The following IL27 variants were observed in gnomAD, a reference collection of about 807,000 sequenced individuals.
IL27 encodes interleukin-27 subunit alpha.
IL27 carries 11 observed loss-of-function variants against 27.0 expected under a neutral mutation model. The observed-to-expected ratio is 0.41, with a 90% CI of 0.26 to 0.67. The LOEUF (loss-of-function observed/expected upper bound fraction) is 0.67, where lower values mean the gene tolerates loss of function less well. Among genes scored for constraint, IL27 ranks in the 30% least tolerant of loss-of-function variants. The pLI is 0.34. For missense variants in IL27, 299 were observed against 310.4 expected (o/e 0.96, Z 0.28); for synonymous variants, 134 against 140.6 (o/e 0.95, Z 0.33).
At chr16:28,500,107 G>A (rs891987278) in intron 4 of IL27, among the ~76,000 whole-genome samples, 187 bp from the exon 5 acceptor site, 1 of 152,184 alleles carries the variant, frequency 6.6e-6, no homozygotes, top group Non-Finnish European at 1.5e-5. Context: ...CTTTCAGTTC[G>A]AGAAAATGGA....
chr16:28,499,613 T>G lies in IL27; in HGVS notation c.*38A>C. Reference sequence around the variant, plus strand: ...GATGCCAAGACTCCAGTCCTAAAGTTCTAAAGGGTGGGGGGCAGGGGGCTA... The same window carrying G: ...GATGCCAAGACTCCAGTCCTAAAGTGCTAAAGGGTGGGGGGCAGGGGGCTA... On this transcript the variant is annotated 3_prime_UTR_variant, in exon 5 of 5. Transcript: ENST00000356897. 2 of 1,542,020 alleles carry G rather than the reference T, an allele frequency of 1.3e-6. No homozygotes were observed. The highest frequency in any genetic ancestry group is 8.8e-7 in the Non-Finnish European group (1 of 1,132,948).
At chr16:28,501,398 A>AC (rs1466624240) in intron 4 of IL27, among the ~76,000 whole-genome samples, 5 of 151,240 alleles carry the variant, frequency 3.3e-5, no homozygotes, top group African/African-American at 1.2e-4. Flanking sequence ...CTACACACAC[A>AC]CGGTCACGCT....
intron 4 of IL27, among the ~76,000 whole-genome samples, chr16:28,501,395 C>A (rs1172451776): frequency 6.6e-6 from 1 of 151,768 alleles, no homozygotes; most frequent in Non-Finnish European, 1.5e-5. Context: ...GACCTACACA[C>A]ACACGGTCAC....
intron 1 of IL27, among the ~76,000 whole-genome samples, chr16:28,505,904 C>T (rs2046458408): frequency 6.6e-6 from 1 of 152,174 alleles, no homozygotes; most frequent in African/African-American, 2.4e-5. Context: ...AGGGGAGCTT[C>T]TAGGGACATC....
chr16:28,503,442 A>G (rs1009718395), intron 3 of IL27, among the ~76,000 whole-genome samples: 3 of 151,984 alleles, frequency 2.0e-5, no homozygotes, highest in East Asian at 1.9e-4. Context: ...TTGTAGAGAC[A>G]AAGTTTCACT....
chr16:28,502,251 C>T, intron 3 of IL27, 117 bp from the exon 4 acceptor site: 1 of 931,104 alleles, frequency 1.1e-6, no homozygotes, highest in East Asian at 2.7e-5. Flanking sequence ...CAGTCCATCC[C>T]TGTAGCTCTT....
At chr16:28,506,140 G>A (rs994556785) in intron 1 of IL27, among the ~76,000 whole-genome samples, 1 of 151,998 alleles carries the variant, frequency 6.6e-6, no homozygotes, top group Non-Finnish European at 1.5e-5. Context: ...CTGACCTCTG[G>A]AGACCCCAGA....
At chr16:28,500,353 C>A (rs1164604923) in intron 4 of IL27, among the ~76,000 whole-genome samples, 2 of 152,052 alleles carry the variant, frequency 1.3e-5, no homozygotes, top group Non-Finnish European at 2.9e-5. Flanking sequence ...CGGCTCACTG[C>A]AACCTCTGTC....
chr16:28,502,110 A>C lies in IL27; in HGVS notation c.328T>G (p.Ser110Ala). The C allele has an allele frequency of 1.2e-6, 2 of 1,611,738 alleles. No homozygotes were observed. The highest frequency in any genetic ancestry group is 2.2e-5 in the South Asian group (2 of 90,914). Reference protein sequence around the residue: ...LSDPERLCFISTTLQPFHALL... With the variant: ...LSDPERLCFIATTLQPFHALL... ...GCATGGAAGGGCTGAAGCGTGGTGG[A>C]GATGAAGCAGAGACGCTCCGGGTCC... is the stretch of plus-strand genomic sequence containing the variant. Residue 110 changes from serine to alanine, a missense_variant, in exon 4 of 5, where the codon TCC (serine) becomes GCC (alanine). Ser to Ala is a moderately conservative substitution (Grantham distance 99). Transcript: ENST00000356897.
At chr16:28,499,955 G>C in intron 4 of IL27, 35 bp from the exon 5 acceptor site, 2 of 1,510,978 alleles carry the variant, frequency 1.3e-6, no homozygotes, top group Middle Eastern at 3.4e-4. Context: ...GGAGGGGCCA[G>C]GCCGAGAACC....
At chr16:28,501,266 C>G (rs1049482108) in intron 4 of IL27, among the ~76,000 whole-genome samples, 3 of 151,466 alleles carry the variant, frequency 2.0e-5, no homozygotes, top group African/African-American at 7.3e-5. Flanking sequence ...ATACCTATAC[C>G]CAAACTCTCA....
At chr16:28,501,924 C>G in intron 4 of IL27, 52 bp downstream of exon 4, 2 of 1,567,262 alleles carry the variant, frequency 1.3e-6, no homozygotes, top group Non-Finnish European at 1.7e-6. Flanking sequence ...AATGAGCCAG[C>G]GAGTCTTCTT....
intron 4 of IL27, among the ~76,000 whole-genome samples, chr16:28,501,536 T>C (rs2046429552): frequency 8.6e-6 from 1 of 116,590 alleles, no homozygotes; most frequent in Non-Finnish European, 1.8e-5. Context: ...ATACACACAG[T>C]CATGCTCACA....
chr16:28,501,467 GCC>G (rs1403801559), intron 4 of IL27, among the ~76,000 whole-genome samples: 1 of 135,202 alleles, frequency 7.4e-6, no homozygotes, highest in Non-Finnish European at 1.6e-5. Context: ...CACACTCACA[GCC>G]ACACACTTTC....
intron 4 of IL27, 132 bp downstream of exon 4, chr16:28,501,844 C>T (rs1339256312): frequency 9.0e-7 from 1 of 1,106,366 alleles, no homozygotes; most frequent in African/African-American, 1.5e-5. Flanking sequence ...CTCATGAACC[C>T]ACACACTCAT....
rs1239967541 is a variant in IL27 at position 28,499,585 on chromosome 16, C to T, written c.*66G>A. 3 of 1,355,326 alleles carry T rather than the reference C, an allele frequency of 2.2e-6. No individual in the cohort carries two copies. Among genetic ancestry groups the T allele is most frequent in the East Asian group, 5.0e-5 (2 of 39,930 alleles). 84.0% of individuals were successfully genotyped at this position (1,355,326 alleles called of 1,614,324 possible). A position where few individuals can be genotyped will look rare whatever the true frequency, so the allele number is the denominator to read the frequency against. On this transcript the variant is annotated 3_prime_UTR_variant, in exon 5 of 5. Transcript: ENST00000356897. ...CCAAGGCTGATGATGCGAAGGCTGC[C>T]CTGATGCCAAGACTCCAGTCCTAAA...
intron 4 of IL27, among the ~76,000 whole-genome samples, chr16:28,501,359 C>T (rs994144181): frequency 6.6e-6 from 1 of 151,632 alleles, no homozygotes; most frequent in African/African-American, 2.4e-5. Context: ...CTCACAGTCC[C>T]ATACACTCAC....
chr16:28,504,707 C>T (rs954560974), intron 1 of IL27, among the ~76,000 whole-genome samples: 20 of 152,054 alleles, frequency 1.3e-4, no homozygotes, highest in Non-Finnish European at 7.4e-5. Context: ...GCCTCAGCCT[C>T]CCAAGTAGCT....
chr16:28,500,013 A>G (rs1323245198), intron 4 of IL27, 93 bp from the exon 5 acceptor site: 3 of 1,420,448 alleles, frequency 2.1e-6, no homozygotes, highest in East Asian at 2.5e-5. Context: ...TCCCAATGAC[A>G]TCAGTGACCA....
Sources: allele counts gnomAD v4.1 joint callset (sites outside exome capture counted in the v4.1 genomes callset), GRCh38; gene constraint gnomAD v4.1.1; transcripts MANE v1.5; gene names NCBI Gene and HGNC (gene_info 2026-07-23, HGNC 2026-07-21).